MSRA: variants seen among roughly 807,000 people sequenced by gnomAD.
MSRA encodes mitochondrial peptide methionine sulfoxide reductase.
A neutral mutation model predicts 31.3 loss-of-function variants in MSRA; 54 were observed. The ratio of observed to expected loss-of-function variants is 1.73; its 90% confidence interval spans 1.39 to 2.17. MSRA has a LOEUF of 2.17. MSRA is among the 30% of genes most tolerant of loss of function. The pLI, the probability that MSRA is intolerant of heterozygous loss-of-function variation, is 0.00. For synonymous variants in MSRA, 169 were observed against 116.5 expected, an observed-to-expected ratio of 1.45 and a Z score of -2.90; for missense variants, 507 against 300.9, an observed-to-expected ratio of 1.69 and a Z score of -5.07.
At chr8:10,408,913 G>A (rs140872880) in intron 5 of MSRA, among the ~76,000 whole-genome samples, 1 of 152,242 alleles carries the variant, frequency 6.6e-6, no homozygotes, top group Non-Finnish European at 1.5e-5. Context: ...CTTTTTAATG[G>A]CTGAGTAGTA....
chr8:10,223,383 C>T (rs1810697991), intron 2 of MSRA, among the ~76,000 whole-genome samples: 1 of 152,184 alleles, frequency 6.6e-6, no homozygotes, highest in Admixed American at 6.5e-5. Flanking sequence ...AATATGAAAT[C>T]AGTGCTTGAA....
chr8:10,366,538 G>C (rs772081962), intron 5 of MSRA, among the ~76,000 whole-genome samples: 1 of 152,356 alleles, frequency 6.6e-6, no homozygotes, highest in South Asian at 2.1e-4. Context: ...GAGGGTCAGC[G>C]ATGGGAGCTG....
chr8:10,232,647 C>T (rs1585229769), intron 2 of MSRA, among the ~76,000 whole-genome samples: 1 of 152,084 alleles, frequency 6.6e-6, no homozygotes, highest in African/African-American at 2.4e-5. Context: ...AAGGTTCTTC[C>T]TGAAGATTTC....
At chr8:10,296,962 T>G (rs1800578450) in intron 3 of MSRA, among the ~76,000 whole-genome samples, 1 of 152,218 alleles carries the variant, frequency 6.6e-6, no homozygotes, top group South Asian at 2.1e-4. Flanking sequence ...CTCTTGTTCT[T>G]GTCCCAGCAG....
At chr8:10,267,792 G>C (rs903340674) in intron 3 of MSRA, among the ~76,000 whole-genome samples, 4 of 152,164 alleles carry the variant, frequency 2.6e-5, no homozygotes, top group Non-Finnish European at 1.5e-5. Context: ...AGTGGATTCA[G>C]TGAGAGGACA....
At chr8:10,260,959 CA>C (rs1798448708) in intron 3 of MSRA, among the ~76,000 whole-genome samples, 1 of 152,040 alleles carries the variant, frequency 6.6e-6, no homozygotes. Flanking sequence ...AGTCTAAGCA[CA>C]AAGTGAAAAA....
At position 10,237,752 on chromosome 8, in the gene MSRA, G is replaced by T. The variant is rs184563127; in HGVS notation, c.212-7352G>T. Among the ~76,000 whole-genome samples the T allele has an allele frequency of 1.8e-3, 271 of 152,290 alleles. 1 individual carries two copies. The highest frequency in any genetic ancestry group is 6.2e-3 in the African/African-American group (258 of 41,552). Reference sequence around the variant, plus strand: ...TAACCCTCTCTTTCTCTCAAACTCTGTGTCAAATCTGTCAGGAAATCCTTT... The same window carrying T: ...TAACCCTCTCTTTCTCTCAAACTCTTTGTCAAATCTGTCAGGAAATCCTTT... On this transcript the variant is annotated intron_variant, in intron 2 of 5. Transcript: ENST00000317173.
chr8:10,098,930 A>AT (rs1446889031), intron 1 of MSRA, among the ~76,000 whole-genome samples: 1 of 152,140 alleles, frequency 6.6e-6, no homozygotes, highest in Non-Finnish European at 1.5e-5. Context: ...TTTATGTGGG[A>AT]TTTTTTTCTT....
chr8:10,291,761 G>A (rs1191122411), intron 3 of MSRA, among the ~76,000 whole-genome samples: 1 of 152,138 alleles, frequency 6.6e-6, no homozygotes, highest in South Asian at 2.1e-4. Context: ...GCAGGGAAAG[G>A]ATGAGGGAGG....
chr8:10,127,511 C>G (rs1801586509), intron 1 of MSRA, among the ~76,000 whole-genome samples: 1 of 152,158 alleles, frequency 6.6e-6, no homozygotes, highest in South Asian at 2.1e-4. Context: ...AGAGATCATG[C>G]TGGTGGTCAT....
rs565940480 is a variant in MSRA, at chr8:10,058,091, T to C, written c.142+3433T>C. On this transcript the variant is annotated intron_variant, in intron 1 of 5. Transcript: ENST00000317173. ...GATTCTATCTTGGCTTTCTTGCGTT[T>C]ACATTCTTAGTGTTCATTGTATTTT... is the stretch of plus-strand genomic sequence containing the variant. Among the ~76,000 whole-genome samples, 3 of 152,378 alleles carry C rather than the reference T, an allele frequency of 2.0e-5. No homozygotes were observed. In the East Asian group the frequency reaches 5.8e-4, roughly 29 times the overall value.
intron 1 of MSRA, among the ~76,000 whole-genome samples, chr8:10,090,039 A>G (rs981770723): frequency 6.6e-6 from 1 of 152,200 alleles, no homozygotes; most frequent in South Asian, 2.1e-4. Flanking sequence ...GCAGCATGAA[A>G]GGGGATGAGT....
At chr8:10,403,316 G>A (rs1807581329) in intron 5 of MSRA, among the ~76,000 whole-genome samples, 1 of 152,174 alleles carries the variant, frequency 6.6e-6, no homozygotes, top group African/African-American at 2.4e-5. Flanking sequence ...CATCAACCCA[G>A]CCAACGAGAA....
At chr8:10,339,934 C>G (rs1189642473) in intron 5 of MSRA, among the ~76,000 whole-genome samples, 2 of 152,146 alleles carry the variant, frequency 1.3e-5, no homozygotes, top group Non-Finnish European at 2.9e-5. Context: ...CAGGCCCTAC[C>G]CCACCCAGGC....
chr8:10,181,854 T>A (rs1257309381), intron 1 of MSRA, among the ~76,000 whole-genome samples: 1 of 152,236 alleles, frequency 6.6e-6, no homozygotes, highest in Non-Finnish European at 1.5e-5. Flanking sequence ...TTGGGTCATG[T>A]ACCTGCATGG....
rs1332570784 is a variant in MSRA, at chr8:10,351,138, G to A, written c.543+31149G>A. Among the ~76,000 whole-genome samples, 9 of 151,886 alleles carry A rather than the reference G, an allele frequency of 5.9e-5. No homozygotes were observed. The East Asian group carries it at 1.2e-3, about 20-fold the overall frequency. On this transcript the variant is annotated intron_variant, in intron 5 of 5. Transcript: ENST00000317173. Reference sequence around the variant, plus strand: ...ATGCTTCAGTGGAAGCTTGTTCCTCGGTGGTGACACCTTGTCTCCACGCTC... The same window carrying A: ...ATGCTTCAGTGGAAGCTTGTTCCTCAGTGGTGACACCTTGTCTCCACGCTC...
chr8:10,058,042 C>G (rs1802495513), intron 1 of MSRA, among the ~76,000 whole-genome samples: 1 of 152,112 alleles, frequency 6.6e-6, no homozygotes, highest in Non-Finnish European at 1.5e-5. Context: ...TGGAGCTGTC[C>G]TTTAAAATAA....
chr8:10,386,422 T>C (rs990828126), intron 5 of MSRA, among the ~76,000 whole-genome samples: 1 of 152,148 alleles, frequency 6.6e-6, no homozygotes, highest in African/African-American at 2.4e-5. Context: ...GGGAAGGTTT[T>C]TATATGATGA....
At chr8:10,281,036 A>G (rs145240965) in intron 3 of MSRA, among the ~76,000 whole-genome samples, 46 of 152,342 alleles carry the variant, frequency 3.0e-4, no homozygotes, top group Middle Eastern at 3.4e-3. Flanking sequence ...GCTAAAGTGT[A>G]TGGAGTCTCT....
Sources: allele counts gnomAD v4.1 joint callset (sites outside exome capture counted in the v4.1 genomes callset), GRCh38; gene constraint gnomAD v4.1.1; transcripts MANE v1.5; gene names NCBI Gene and HGNC (gene_info 2026-07-23, HGNC 2026-07-21).